The following ABI3BP variants were observed in gnomAD, a reference collection of about 807,000 sequenced individuals.
ABI3BP encodes target of Nesh-SH3.
A neutral mutation model predicts 268.6 loss-of-function variants in ABI3BP; 216 were observed. The ratio of observed to expected loss-of-function variants is 0.80; its 90% CI spans 0.72 to 0.90. The LOEUF is 0.90. Among genes scored for constraint, ABI3BP ranks in the 40% least tolerant of loss-of-function variants. The pLI is 0.00. For synonymous variants in ABI3BP, 730 were observed against 730.0 expected (o/e 1.00, Z 0.00); for missense variants, 2,090 against 2,182.4 (o/e 0.96, Z 0.84).
chr3:100,928,675 T>C (rs563337576), intron 1 of ABI3BP, among the ~76,000 whole-genome samples: 8 of 152,200 alleles, frequency 5.3e-5, no homozygotes, highest in African/African-American at 1.9e-4. Context: ...GCCAGGGATA[T>C]GAGTGGCTTA....
chr3:100,821,581 T>A (rs1005462379), intron 38 of ABI3BP, among the ~76,000 whole-genome samples: 4 of 151,222 alleles, frequency 2.6e-5, no homozygotes, highest in African/African-American at 9.7e-5. Context: ...GATTTGCCTG[T>A]CATCTTGAAG....
chr3:100,838,048 A>T (rs1222476138), intron 26 of ABI3BP, among the ~76,000 whole-genome samples, 162 bp downstream of exon 26: 1 of 152,206 alleles, frequency 6.6e-6, no homozygotes, highest in Non-Finnish European at 1.5e-5. Flanking sequence ...TGACTTTTTC[A>T]TTTAGCACTT....
intron 1 of ABI3BP, among the ~76,000 whole-genome samples, chr3:100,981,252 AAAT>A (rs924541510): frequency 6.6e-5 from 10 of 151,760 alleles, no homozygotes; most frequent in Non-Finnish European, 1.3e-4. Flanking sequence ...TTAAAAAAAA[AAAT>A]AAAGTGTGCA....
chr3:100,912,005 T>G (rs1029890662), intron 2 of ABI3BP: 1 of 782,262 alleles, frequency 1.3e-6, no homozygotes, highest in Non-Finnish European at 2.3e-6. Context: ...TATTTCTGAA[T>G]GTCAATTGTA....
chr3:100,953,938 A>G (rs960427381), intron 1 of ABI3BP, among the ~76,000 whole-genome samples: 4 of 152,176 alleles, frequency 2.6e-5, no homozygotes, highest in Non-Finnish European at 5.9e-5. Flanking sequence ...CGGAGTTGGG[A>G]GAAACTTAAA....
At chr3:100,764,016 G>A (rs2096126544) in intron 63 of ABI3BP, among the ~76,000 whole-genome samples, 1 of 152,068 alleles carries the variant, frequency 6.6e-6, no homozygotes, top group Non-Finnish European at 1.5e-5. Flanking sequence ...TCTCCACCCT[G>A]GCTTCCCACT....
chr3:100,969,407 C>T (rs776078636), intron 1 of ABI3BP, among the ~76,000 whole-genome samples: 1 of 152,184 alleles, frequency 6.6e-6, no homozygotes, highest in Non-Finnish European at 1.5e-5. Context: ...CATCAGGCAT[C>T]CCCTGCTGCC....
At chr3:100,945,678 T>G (rs1216787930) in intron 1 of ABI3BP, 1 of 438,842 alleles carries the variant, frequency 2.3e-6, no homozygotes, top group African/African-American at 2.0e-5. Flanking sequence ...TTTTATTTGC[T>G]AAATAGAATT....
intron 18 of ABI3BP, among the ~76,000 whole-genome samples, chr3:100,848,292 T>C (rs1580343153): frequency 6.6e-6 from 1 of 152,308 alleles, no homozygotes; most frequent in East Asian, 1.9e-4. Flanking sequence ...ACGAATTACA[T>C]GTATCACTCT....
rs752624146 is a variant in ABI3BP, at chr3:100,885,526, T to C, written c.696+10A>G. ...TTTAAAAACATTCTTGAAAATAAAC[T>C]GTTACATACCACTGTGTGGTCTTGG... On this transcript the variant is annotated intron_variant, in intron 6 of 67. Coordinates refer to ENST00000471714, the MANE Select transcript of ABI3BP (RefSeq NM_001375547.2). 1 of 1,482,062 alleles carries C rather than the reference T, an allele frequency of 6.7e-7. No individual in the cohort carries two copies. The highest frequency in any genetic ancestry group is 1.4e-5 in the South Asian group (1 of 72,198). The allele number at this position is 1,482,062 out of a possible 1,614,324, so 91.8% of individuals were successfully genotyped here.
chr3:100,935,750 G>T (rs1356487211), intron 1 of ABI3BP, among the ~76,000 whole-genome samples: 1 of 152,062 alleles, frequency 6.6e-6, no homozygotes, highest in East Asian at 1.9e-4. Flanking sequence ...ATTGTGAATG[G>T]GAGTTCACTC....
intron 1 of ABI3BP, among the ~76,000 whole-genome samples, chr3:100,946,109 G>A (rs1292693909): frequency 2.6e-5 from 4 of 152,074 alleles, no homozygotes; most frequent in Non-Finnish European, 5.9e-5. Flanking sequence ...GGTGGCTCAT[G>A]CCTGCAATCC....
chr3:100,779,991 A>G (rs946892742), intron 58 of ABI3BP, 141 bp downstream of exon 58: 1 of 622,094 alleles, frequency 1.6e-6, no homozygotes, highest in Non-Finnish European at 2.8e-6. Flanking sequence ...TTTTCCTAGC[A>G]ATACCCATGC....
At chr3:100,970,448 G>A (rs997292467) in intron 1 of ABI3BP, among the ~76,000 whole-genome samples, 1 of 152,220 alleles carries the variant, frequency 6.6e-6, no homozygotes, top group African/African-American at 2.4e-5. Flanking sequence ...GTATCCAGTT[G>A]CAGAATAATG....
chr3:100,792,610 T>C, intron 55 of ABI3BP, 81 bp downstream of exon 55: 1 of 1,413,664 alleles, frequency 7.1e-7, no homozygotes, highest in Non-Finnish European at 9.9e-7. Flanking sequence ...TGTTGAGAAA[T>C]GACATTCTGA....
rs139031632 is a variant in ABI3BP, at chr3:100,898,728, T to C, written c.461+34A>G. The C allele has an allele frequency of 2.6e-4, 419 of 1,599,774 alleles. 3 individuals carry two copies. The African/African-American group carries it at 4.8e-3, about 18-fold the overall frequency. On this transcript the variant is annotated intron_variant, in intron 4 of 67. Coordinates refer to ENST00000471714, the MANE Select transcript of ABI3BP (RefSeq NM_001375547.2). ...TACTTACATATTCTTCTAAAGCATG[T>C]ACAGATGCTATTAAAAGCAAATGCT... is the stretch of plus-strand genomic sequence containing the variant.
intron 4 of ABI3BP, among the ~76,000 whole-genome samples, chr3:100,895,356 C>T (rs913717740): frequency 1.7e-4 from 25 of 149,408 alleles, no homozygotes; most frequent in Middle Eastern, 3.4e-3. Context: ...CAGAAACATG[C>T]GCCACAAAGG....
At chr3:100,875,264 T>A (rs570316772) in intron 8 of ABI3BP, among the ~76,000 whole-genome samples, 1 of 152,336 alleles carries the variant, frequency 6.6e-6, no homozygotes, top group South Asian at 2.1e-4. Flanking sequence ...GTGGGGCAGG[T>A]AGGACAGGTG....
At chr3:100,810,637 A>T (rs916066014) in intron 48 of ABI3BP, among the ~76,000 whole-genome samples, 160 bp from the exon 49 acceptor site, 3 of 149,652 alleles carry the variant, frequency 2.0e-5, no homozygotes, top group Admixed American at 6.6e-5. Context: ...GCATTTGGTT[A>T]AAAAAAAATG....
Sources: allele counts gnomAD v4.1 joint callset (sites outside exome capture counted in the v4.1 genomes callset), GRCh38; gene constraint gnomAD v4.1.1; transcripts MANE v1.5; gene names NCBI Gene and HGNC (gene_info 2026-07-23, HGNC 2026-07-21).